The following ZNF529 variants were observed in gnomAD, a reference collection of about 807,000 sequenced individuals.
ZNF529 encodes the protein zinc finger protein 529.
In ZNF529, 11 loss-of-function variants were observed where a neutral mutation model predicts 10.1. The ratio of observed to expected loss-of-function variants is 1.09; its 90% CI spans 0.69 to 1.81. ZNF529 has a LOEUF of 1.81. ZNF529 is among the 40% of genes most tolerant of loss of function. The pLI is 0.00. For missense variants in ZNF529, 624 were observed against 666.8 expected (o/e 0.94, Z 0.71); for synonymous variants, 204 against 215.7 (o/e 0.95, Z 0.47).
chr19:36,593,572 G>GA lies in ZNF529; in HGVS notation c.-127-3872dup, dbSNP rs200109295. ...TCAAGAGCTTTCATTTTACTGTTCC[G>GA]AAAAAAAAGGGCTGAACCGATAGTG... On this transcript the variant is annotated intron_variant, in intron 1 of 4. Transcript: ENST00000585960. 9.6e-3 allele frequency among the ~76,000 whole-genome samples: 1,450 copies of GA among 151,552 alleles called. 17 individuals are homozygous for GA. Among genetic ancestry groups the GA allele is most frequent in the African/African-American group, 0.032 (1,335 of 41,376 alleles).
intron 2 of ZNF529, among the ~76,000 whole-genome samples, chr19:36,571,618 T>A (rs2036113402): frequency 1.3e-5 from 2 of 150,278 alleles, no homozygotes; most frequent in African/African-American, 4.9e-5. Flanking sequence ...GAGGTTGCAG[T>A]GAACTGAGAT....
chr19:36,550,660 G>C (rs1383983646), intron 4 of ZNF529, among the ~76,000 whole-genome samples: 1 of 152,110 alleles, frequency 6.6e-6, no homozygotes, highest in South Asian at 2.1e-4. Flanking sequence ...TGACATCTAT[G>C]GAACGCAAAT....
chr19:36,546,189 CACAT>C lies in ZNF529; in HGVS notation c.*673_*676del, dbSNP rs929113741. The C allele has an allele frequency of 4.0e-5, 6 of 149,388 alleles. No homozygotes were observed. Among genetic ancestry groups the C allele is most frequent in the South Asian group, 2.2e-4 (1 of 4,592 alleles). The allele number at this position is 149,388 out of a possible 1,614,324, so 9.3% of individuals were successfully genotyped here. On this transcript the variant is annotated 3_prime_UTR_variant, in exon 5 of 5. Coordinates refer to ENST00000591340, the MANE Select transcript of ZNF529 (RefSeq NM_020951.5). The stretch of plus-strand genomic sequence containing the variant: ...TATGTGATATGTATAGTATACATCA[CACAT>C]ACACTATATACACTATATGTGTATA...
chr19:36,559,610 TCAGTAACTTGAAGAGATATTTG>T (rs2035605874), intron 2 of ZNF529, among the ~76,000 whole-genome samples: 1 of 152,174 alleles, frequency 6.6e-6, no homozygotes, highest in Non-Finnish European at 1.5e-5. Context: ...CATGGCCAAG[TCAGTAACTTGAAGAGATATTTG>T]CAGTCCTTTT....
intron 1 of ZNF529, among the ~76,000 whole-genome samples, chr19:36,603,814 A>G (rs912617777): frequency 5.9e-5 from 9 of 152,232 alleles, no homozygotes; most frequent in African/African-American, 2.2e-4. Context: ...TGTATTCACA[A>G]TAATTTCCTT....
At chr19:36,584,504 C>A (rs964827377) in intron 2 of ZNF529, among the ~76,000 whole-genome samples, 1 of 152,156 alleles carries the variant, frequency 6.6e-6, no homozygotes, top group Admixed American at 6.6e-5. Flanking sequence ...CGGTAGTTCA[C>A]ACCTGTAATC....
At chr19:36,563,142 C>T (rs2035770560) in intron 2 of ZNF529, among the ~76,000 whole-genome samples, 1 of 152,032 alleles carries the variant, frequency 6.6e-6, no homozygotes, top group African/African-American at 2.4e-5. Context: ...CCTATGGGTG[C>T]CAGGCGCGGT....
chr19:36,574,197 A>T (rs768660002), upstream of ZNF529, among the ~76,000 whole-genome samples: 27 of 152,216 alleles, frequency 1.8e-4, no homozygotes, highest in Non-Finnish European at 3.4e-4. Flanking sequence ...ACACCAATCA[A>T]ATACATGTAA....
At chr19:36,558,490 T>TCAGAAA (rs1237051009) in intron 2 of ZNF529, among the ~76,000 whole-genome samples, 1 of 151,964 alleles carries the variant, frequency 6.6e-6, no homozygotes, top group Admixed American at 6.6e-5. Flanking sequence ...TGATTTCTCA[T>TCAGAAA]CAGAAAAAAA....
At chr19:36,586,399 G>A (rs1185492121) in intron 2 of ZNF529, among the ~76,000 whole-genome samples, 3 of 152,048 alleles carry the variant, frequency 2.0e-5, no homozygotes, top group African/African-American at 7.2e-5. Context: ...GAGGTCAGGA[G>A]TTCAAGACCA....
intron 1 of ZNF529, among the ~76,000 whole-genome samples, chr19:36,604,106 G>A (rs2036977138): frequency 1.3e-5 from 2 of 152,140 alleles, no homozygotes; most frequent in African/African-American, 2.4e-5. Flanking sequence ...CTTGAACCCG[G>A]AAGGCGGAGG....
intron 1 of ZNF529, among the ~76,000 whole-genome samples, chr19:36,593,688 C>T (rs1039848547): frequency 6.6e-6 from 1 of 152,158 alleles, no homozygotes; most frequent in African/African-American, 2.4e-5. Flanking sequence ...GGGACAACTT[C>T]TTAGATCTCT....
chr19:36,549,437 A>T, intron 4 of ZNF529, among the ~76,000 whole-genome samples: 1 of 152,328 alleles, frequency 6.6e-6, no homozygotes, highest in Middle Eastern at 3.4e-3. Context: ...ATAAAAGTAT[A>T]TATACAAAGA....
chr19:36,583,485 T>C (rs868056352), intron 2 of ZNF529, among the ~76,000 whole-genome samples: 1 of 150,834 alleles, frequency 6.6e-6, no homozygotes, highest in Non-Finnish European at 1.5e-5. Flanking sequence ...CCAGGGCACA[T>C]GAAAAACCCT....
chr19:36,587,704 C>T (rs79621573), intron 2 of ZNF529, among the ~76,000 whole-genome samples: 13,344 of 152,236 alleles, frequency 0.088, 764 homozygotes, highest in Non-Finnish European at 0.12. Flanking sequence ...TAATGATACA[C>T]GTTACAGGGA....
intron 2 of ZNF529, among the ~76,000 whole-genome samples, chr19:36,565,498 C>T (rs1358013842): frequency 6.6e-6 from 1 of 152,040 alleles, no homozygotes; most frequent in African/African-American, 2.4e-5. Flanking sequence ...GTCAGGAGTT[C>T]GAGACAAGCC....
chr19:36,576,958 C>CTTTTTTTTTTTTTTTT (rs759716467), upstream of ZNF529, among the ~76,000 whole-genome samples: 1 of 136,042 alleles, frequency 7.4e-6, no homozygotes, highest in African/African-American at 2.7e-5. Flanking sequence ...TTTCTTTTTT[C>CTTTTTTTTTTTTTTTT]TTTTTTTTTT....
chr19:36,599,969 A>G (rs2036897819), intron 1 of ZNF529, among the ~76,000 whole-genome samples: 1 of 152,010 alleles, frequency 6.6e-6, no homozygotes, highest in Admixed American at 6.6e-5. Context: ...CCCTAGTTCA[A>G]GTGATTCTCC....
intron 1 of ZNF529, among the ~76,000 whole-genome samples, chr19:36,597,923 T>C (rs1056132545): frequency 1.3e-5 from 2 of 152,204 alleles, no homozygotes; most frequent in African/African-American, 4.8e-5. Flanking sequence ...GGATAAATTA[T>C]CCAGATCCTA....
Sources: gnomAD v4.1 joint callset for allele counts (sites outside exome capture counted in the v4.1 genomes callset) on GRCh38, gnomAD v4.1.1 for gene constraint, MANE v1.5 for transcripts, NCBI Gene and HGNC (gene_info 2026-07-23, HGNC 2026-07-21) for gene names.